Variants in MYO1E observed in about 807,000 individuals in gnomAD.
MYO1E encodes the protein myosin IE, also known as unconventional myosin-Ie.
MYO1E carries 68 observed loss-of-function variants against 151.1 expected under a neutral mutation model. The ratio of observed to expected loss-of-function variants is 0.45; its 90% CI spans 0.37 to 0.55. The LOEUF (loss-of-function observed/expected upper bound fraction) is 0.55. MYO1E is among the 20% of genes least tolerant of loss of function. The pLI, the probability that MYO1E is intolerant of heterozygous loss-of-function variation, is 0.00. For synonymous variants in MYO1E, 601 were observed against 501.7 expected, an observed-to-expected ratio of 1.20 and a Z score of -2.64; for missense variants, 1,363 against 1,389.3, an observed-to-expected ratio of 0.98 and a Z score of 0.30.
At chr15:59,261,643 T>G in intron 2 of MYO1E, 134 bp from the exon 3 acceptor site, 2 of 670,358 alleles carry the variant, frequency 3.0e-6, no homozygotes, top group Non-Finnish European at 5.4e-6. Flanking sequence ...TCTAAAAGAT[T>G]ACAAGTAAAG....
chr15:59,210,584 T>C lies in MYO1E; in HGVS notation c.1292A>G (p.Glu431Gly). The change falls in exon 13 of 28, where the codon GAG (glutamate) becomes GGG (glycine). Residue 431 changes from glutamate (E) to glycine (G), a missense_variant. By Grantham distance (98) the Glu-to-Gly change is moderately conservative. Transcript: ENST00000288235. ...LKAEQEEYVQ[E>G]GIRWTPIEYF... The stretch of plus-strand genomic sequence containing the variant: ...CTCAATGGGTGTCCATCTTATTCCC[T>C]CTTGAACATATTCTTCCTGTAACAC... The C allele has an allele frequency of 6.2e-7, 1 of 1,600,198 alleles. No homozygotes were observed. The highest frequency in any genetic ancestry group is 8.6e-7 in the Non-Finnish European group (1 of 1,167,286).
chr15:59,154,366 G>A (rs1268504601), intron 25 of MYO1E, among the ~76,000 whole-genome samples: 7 of 152,210 alleles, frequency 4.6e-5, no homozygotes, highest in African/African-American at 1.4e-4. Context: ...GGATCAGTCC[G>A]GATGGAGCAA....
chr15:59,275,047 C>A (rs2080309934), intron 1 of MYO1E, among the ~76,000 whole-genome samples: 2 of 152,182 alleles, frequency 1.3e-5, no homozygotes, highest in African/African-American at 4.8e-5. Flanking sequence ...GAGGGGTTAA[C>A]ATTCCCATGC....
Position 59,266,221 on chromosome 15 carries a change from C to A in MYO1E, c.148-4712G>T, listed in dbSNP as rs572539136. Among the ~76,000 whole-genome samples the A allele has an allele frequency of 1.7e-4, 26 of 152,294 alleles. No homozygotes were observed. The South Asian group carries it at 5.0e-3, about 29-fold the overall frequency. On this transcript the variant is annotated intron_variant, in intron 2 of 27. Transcript: ENST00000288235. ...AATTCCAACAATGCTCACTCCCACT[C>A]CTGTTGCATAATTCAGGTGTGCCTC...
intron 1 of MYO1E, among the ~76,000 whole-genome samples, chr15:59,297,634 T>A (rs1396979380): frequency 6.6e-6 from 1 of 151,622 alleles, no homozygotes; most frequent in African/African-American, 2.4e-5. Flanking sequence ...TGGGCTGGAG[T>A]ACAGTGGTGC....
chr15:59,303,477 C>A (rs577552019), intron 1 of MYO1E, among the ~76,000 whole-genome samples: 1 of 151,678 alleles, frequency 6.6e-6, no homozygotes, highest in African/African-American at 2.4e-5. Flanking sequence ...TGCAGTGAGC[C>A]GAGACCGTAC....
intron 5 of MYO1E, 26 bp from the exon 6 acceptor site, chr15:59,231,817 T>G: frequency 6.2e-7 from 1 of 1,611,566 alleles, no homozygotes; most frequent in Non-Finnish European, 8.5e-7. Flanking sequence ...GACCGGAGGT[T>G]AGGAAGGTGT....
intron 14 of MYO1E, chr15:59,207,505 G>C (rs1364025184): frequency 6.2e-7 from 1 of 1,613,990 alleles, no homozygotes; most frequent in Non-Finnish European, 8.5e-7. Context: ...TTCCAATCCA[G>C]TGGATATCTT....
At chr15:59,360,895 C>A (rs934590841) in intron 1 of MYO1E, among the ~76,000 whole-genome samples, 1 of 152,184 alleles carries the variant, frequency 6.6e-6, no homozygotes. Context: ...GGGTAGGGAA[C>A]TGAATCTGAG....
At chr15:59,352,464 G>A (rs748904132) in intron 1 of MYO1E, among the ~76,000 whole-genome samples, 3 of 152,098 alleles carry the variant, frequency 2.0e-5, no homozygotes, top group Non-Finnish European at 4.4e-5. Flanking sequence ...GGATGCCCAC[G>A]CTATTAGTCC....
In MYO1E at chr15:59,153,655, T is replaced by C; in HGVS notation, c.3015A>G (p.Ser1005=). 1 of 1,614,210 alleles carries C rather than the reference T, an allele frequency of 6.2e-7. No individual in the cohort carries two copies. The highest frequency in any genetic ancestry group is 8.5e-7 in the Non-Finnish European group (1 of 1,180,036). ...TCTCTGGCGTCTGTGACACTCGGTC[T>C]GAACTGGTAGACTGCTGCCGAGGCA... ...PPLPRQQSTS[S]DRVSQTPESL... is the part of the protein sequence containing the mutation. Residue 1005 remains serine (S), a synonymous_variant, in exon 26 of 28, where the codon TCA becomes TCG. Transcript: ENST00000288235.
intron 1 of MYO1E, among the ~76,000 whole-genome samples, chr15:59,285,804 G>A (rs1253904199): frequency 6.6e-6 from 1 of 152,198 alleles, no homozygotes; most frequent in East Asian, 1.9e-4. Context: ...TGTCCATTAA[G>A]ATTTTTATTA....
At chr15:59,340,882 C>T (rs891104895) in intron 1 of MYO1E, among the ~76,000 whole-genome samples, 10 of 151,464 alleles carry the variant, frequency 6.6e-5, no homozygotes, top group African/African-American at 2.2e-4. Context: ...ATCAGCTGGG[C>T]GTGGTGGCAC....
chr15:59,209,978 G>A (rs372927348), intron 13 of MYO1E, among the ~76,000 whole-genome samples: 11 of 151,436 alleles, frequency 7.3e-5, no homozygotes, highest in African/African-American at 9.7e-5. Context: ...GGGACTACAG[G>A]TGCGTGCCAC....
chr15:59,321,706 G>C (rs1427328423), intron 1 of MYO1E, among the ~76,000 whole-genome samples: 2 of 152,060 alleles, frequency 1.3e-5, no homozygotes, highest in Non-Finnish European at 2.9e-5. Flanking sequence ...AGGTGGGTAA[G>C]AACTGAAAAA....
At chr15:59,338,857 C>T (rs527918712) in intron 1 of MYO1E, among the ~76,000 whole-genome samples, 3 of 152,268 alleles carry the variant, frequency 2.0e-5, no homozygotes, top group East Asian at 1.9e-4. Context: ...TCAGGCTGGG[C>T]GCTGTGGCTC....
intron 4 of MYO1E, among the ~76,000 whole-genome samples, chr15:59,238,496 A>G (rs1285191599): frequency 1.3e-5 from 2 of 152,360 alleles, no homozygotes; most frequent in Non-Finnish European, 2.9e-5. Flanking sequence ...CAAGTTTACA[A>G]CTATGTGAAA....
chr15:59,360,060 C>A (rs1039618279), intron 1 of MYO1E, among the ~76,000 whole-genome samples: 16 of 152,224 alleles, frequency 1.1e-4, no homozygotes, highest in South Asian at 4.1e-4. Context: ...ACAGTGAAAT[C>A]AAGATTGGTC....
At chr15:59,293,602 G>A (rs570752732) in intron 1 of MYO1E, among the ~76,000 whole-genome samples, 3 of 151,726 alleles carry the variant, frequency 2.0e-5, no homozygotes, top group African/African-American at 7.3e-5. Flanking sequence ...TATGTATAAA[G>A]CTAATGAAAT....
Sources: allele counts gnomAD v4.1 joint callset (sites outside exome capture counted in the v4.1 genomes callset), GRCh38; gene constraint gnomAD v4.1.1; transcripts MANE v1.5; gene names NCBI Gene and HGNC (gene_info 2026-07-23, HGNC 2026-07-21).